STK32B: variants seen among roughly 807,000 people sequenced by gnomAD.
STK32B encodes serine/threonine kinase 32B.
A neutral mutation model predicts 52.6 loss-of-function variants in STK32B; 43 were observed. The observed-to-expected ratio is 0.82, with a 90% CI of 0.64 to 1.05. The LOEUF is 1.05. Among genes scored for constraint, STK32B ranks in the 50% least tolerant of loss-of-function variants. The pLI is 0.00. For synonymous variants in STK32B, 238 were observed against 204.3 expected (o/e 1.17, Z -1.41); for missense variants, 621 against 534.6 (o/e 1.16, Z -1.59).
intron 3 of STK32B, among the ~76,000 whole-genome samples, chr4:5,321,194 C>A (rs1432190357): frequency 6.6e-6 from 1 of 151,926 alleles, no homozygotes. Flanking sequence ...AATGCCTACA[C>A]CAAAGTGTTG....
intron 6 of STK32B, chr4:5,437,922 A>G (rs1366211247): frequency 1.8e-5 from 18 of 985,292 alleles, no homozygotes; most frequent in Non-Finnish European, 2.0e-5. Flanking sequence ...GTTGTGTTCT[A>G]CCATCAGCTC....
Position 5,058,105 on chromosome 4 carries a change from T to C in STK32B, c.52+6190T>C, listed in dbSNP as rs1742078368. On this transcript the variant is annotated intron_variant, in intron 1 of 11. Coordinates refer to ENST00000282908, the MANE Select transcript of STK32B (RefSeq NM_018401.3). This position sits in a 1 kb window ranked among gnomAD's most constrained non-coding sequence, Gnocchi z 4.8. ...TTGTGACCTCCTTGGAGTACCCTTA[T>C]GCATTGAAGATTTTGGCCTCTGCTT... is the stretch of plus-strand genomic sequence containing the variant. 1.3e-5 allele frequency among the ~76,000 whole-genome samples: 2 copies of C among 152,216 alleles called. No homozygotes were observed. The highest frequency in any genetic ancestry group is 4.8e-5 in the African/African-American group (2 of 41,456).
At chr4:5,227,620 A>C (rs1441210766) in intron 3 of STK32B, among the ~76,000 whole-genome samples, 3 of 152,226 alleles carry the variant, frequency 2.0e-5, no homozygotes, top group Admixed American at 6.5e-5. Context: ...TCAGGTTTGC[A>C]GGTCACACAT....
At position 5,295,512 on chromosome 4, in the gene STK32B, G is replaced by A. The variant is rs372067197; in HGVS notation, c.261-35708G>A. Among the ~76,000 whole-genome samples, 29 of 152,244 alleles carry A rather than the reference G, an allele frequency of 1.9e-4. No individual in the cohort carries two copies. The East Asian group carries it at 5.2e-3, about 27-fold the overall frequency. ...CTTGTTTTGTCTTGGGAGGGTGTGT[G>A]TGTCCTGGAATTTATCCGTTTCTTC... On this transcript the variant is annotated intron_variant, in intron 3 of 11. Coordinates refer to ENST00000282908, the MANE Select transcript of STK32B (RefSeq NM_018401.3).
At chr4:5,391,448 G>C (rs1395919319) in intron 4 of STK32B, among the ~76,000 whole-genome samples, 1 of 152,172 alleles carries the variant, frequency 6.6e-6, no homozygotes, top group Non-Finnish European at 1.5e-5. Flanking sequence ...TTCTAAATAA[G>C]ATCACATTCT....
chr4:5,082,162 T>C (rs1712475658), intron 1 of STK32B, among the ~76,000 whole-genome samples: 1 of 152,180 alleles, frequency 6.6e-6, no homozygotes, highest in Non-Finnish European at 1.5e-5. Context: ...ATTGTGTTCT[T>C]AATCCTGCAG....
chr4:5,035,465 C>T, the STK32B span, among the ~76,000 whole-genome samples: 1 of 152,330 alleles, frequency 6.6e-6, no homozygotes, highest in South Asian at 2.1e-4. Context: ...GGACGATATG[C>T]TCGACTATGC....
chr4:5,430,006 A>C lies in STK32B; in HGVS notation c.562+13072A>C, dbSNP rs1174392350. On this transcript the variant is annotated intron_variant, in intron 6 of 11. Coordinates refer to ENST00000282908, the MANE Select transcript of STK32B (RefSeq NM_018401.3). Reference sequence around the variant, plus strand: ...CTTTTTTCCTTCAGCTGACTCCAAGATTTTCTCCCTCTTTTTGATTTTAGA... The same window carrying C: ...CTTTTTTCCTTCAGCTGACTCCAAGCTTTTCTCCCTCTTTTTGATTTTAGA... 4.6e-5 allele frequency among the ~76,000 whole-genome samples: 7 copies of C among 151,620 alleles called. No individual in the cohort carries two copies. The East Asian group carries it at 1.4e-3, about 30-fold the overall frequency.
chr4:5,043,118 A>C, the STK32B span, among the ~76,000 whole-genome samples: 1 of 151,064 alleles, frequency 6.6e-6, no homozygotes, highest in Non-Finnish European at 1.5e-5. Context: ...GTCTCAAAAA[A>C]AAAAAAAAAA....
intron 2 of STK32B, among the ~76,000 whole-genome samples, chr4:5,154,339 C>T (rs1197045199): frequency 6.6e-6 from 1 of 151,898 alleles, no homozygotes; most frequent in Admixed American, 6.6e-5. Flanking sequence ...CCTCAGCCTC[C>T]CAAGTAGCTG....
At chr4:5,043,865 C>T in the STK32B span, among the ~76,000 whole-genome samples, 1 of 152,224 alleles carries the variant, frequency 6.6e-6, no homozygotes. Context: ...GGCTCCCAGC[C>T]CAGTGTCTGA....
At chr4:5,379,204 T>A (rs1457988288) in intron 4 of STK32B, among the ~76,000 whole-genome samples, 2 of 152,120 alleles carry the variant, frequency 1.3e-5, no homozygotes, top group African/African-American at 4.8e-5. Context: ...GGAACCCAGG[T>A]CTCCAAAGCC....
intron 3 of STK32B, among the ~76,000 whole-genome samples, chr4:5,277,151 G>C (rs1369859410): frequency 6.6e-6 from 1 of 152,196 alleles, no homozygotes; most frequent in Non-Finnish European, 1.5e-5. Flanking sequence ...TTTCAAAATA[G>C]GATATAACAA....
Position 5,317,355 on chromosome 4 carries a change from T to C in STK32B, c.261-13865T>C, listed in dbSNP as rs866064418. ...ACATATATAATACATATATATAATATATATAATGTATATGTATTATATATA... is the reference window on the plus strand; with the variant it reads ...ACATATATAATACATATATATAATACATATAATGTATATGTATTATATATA... On this transcript the variant is annotated intron_variant, in intron 3 of 11. Transcript: ENST00000282908. Among the ~76,000 whole-genome samples the C allele has an allele frequency of 1.2e-4, 5 of 41,022 alleles. 1 individual carries two copies. The highest frequency in any genetic ancestry group is 3.0e-4 in the African/African-American group (2 of 6,682). The allele number at this position is 41,022 out of a possible 152,430, so 26.9% of individuals were successfully genotyped here. A position where few individuals can be genotyped will look rare whatever the true frequency, so the allele number is the denominator to read the frequency against.
chr4:5,246,603 C>G (rs1007832642), intron 3 of STK32B, among the ~76,000 whole-genome samples: 84 of 152,298 alleles, frequency 5.5e-4, no homozygotes, highest in African/African-American at 2.0e-3. Context: ...CAGCTTTGTT[C>G]TGTTGCTGAT....
chr4:5,125,661 G>C (rs542415199), intron 1 of STK32B, among the ~76,000 whole-genome samples: 1 of 152,182 alleles, frequency 6.6e-6, no homozygotes, highest in Non-Finnish European at 1.5e-5. Context: ...GGTCATCTGG[G>C]ACACGTCTCC....
At chr4:5,238,066 G>C (rs1463955134) in intron 3 of STK32B, among the ~76,000 whole-genome samples, 2 of 152,136 alleles carry the variant, frequency 1.3e-5, no homozygotes, top group East Asian at 3.8e-4. Flanking sequence ...GTGATTCTTT[G>C]ATGAACACGT....
chr4:5,042,055 G>A, the STK32B span, among the ~76,000 whole-genome samples: 1 of 152,094 alleles, frequency 6.6e-6, no homozygotes, highest in African/African-American at 2.4e-5. Flanking sequence ...ACGGCTTTAG[G>A]GTTTATGGCT....
Position 5,052,757 on chromosome 4 carries a change from G to A in STK32B, c.52+842G>A, listed in dbSNP as rs188919346. ...AATGCAAGCAGTACCGAGCTGTGCC[G>A]TTTTTTATGTTAAGAGCCCTCTGCC... On this transcript the variant is annotated intron_variant, in intron 1 of 11. Transcript: ENST00000282908. Among the ~76,000 whole-genome samples, 295 of 152,238 alleles carry A rather than the reference G, an allele frequency of 1.9e-3. 1 individual carries two copies. Among genetic ancestry groups the A allele is most frequent in the African/African-American group, 6.7e-3 (278 of 41,542 alleles).
Sources: gnomAD v4.1 joint callset for allele counts (sites outside exome capture counted in the v4.1 genomes callset) on GRCh38, gnomAD v4.1.1 for gene constraint, Gnocchi (gnomAD v3.1) non-coding constraint, MANE v1.5 for transcripts, NCBI Gene and HGNC (gene_info 2026-07-23, HGNC 2026-07-21) for gene names.